The following TC2N variants were observed in gnomAD, a reference collection of about 807,000 sequenced individuals.
The protein encoded by TC2N is tandem C2 domains, nuclear, also known as tandem C2 domains nuclear protein.
TC2N carries 51 observed loss-of-function variants against 61.9 expected under a neutral mutation model. The ratio of observed to expected loss-of-function variants is 0.82; its 90% CI spans 0.66 to 1.04. TC2N has a LOEUF of 1.04. TC2N is among the 50% of genes least tolerant of loss of function. The pLI, the probability that TC2N is intolerant of heterozygous loss-of-function variation, is 0.00. For synonymous variants in TC2N, 204 were observed against 192.6 expected, an observed-to-expected ratio of 1.06 and a Z score of -0.49; for missense variants, 556 against 566.7, an observed-to-expected ratio of 0.98 and a Z score of 0.19.
At chr14:91,826,925 A>G (rs1566781765) in intron 1 of TC2N, among the ~76,000 whole-genome samples, 1 of 152,138 alleles carries the variant, frequency 6.6e-6, no homozygotes, top group Non-Finnish European at 1.5e-5. Flanking sequence ...TTTTCTGTTT[A>G]CTGTTTCCAT....
chr14:91,865,944 A>AGGT (rs1888692689), intron 1 of TC2N, among the ~76,000 whole-genome samples: 1 of 152,186 alleles, frequency 6.6e-6, no homozygotes, highest in Non-Finnish European at 1.5e-5. Flanking sequence ...GTTATTAAAA[A>AGGT]GTTATTAAAG....
chr14:91,802,800 A>G (rs1281990207), intron 3 of TC2N, among the ~76,000 whole-genome samples: 3 of 152,144 alleles, frequency 2.0e-5, no homozygotes. Context: ...AAAATTGACC[A>G]CATGCTGAGA....
intron 9 of TC2N, among the ~76,000 whole-genome samples, chr14:91,792,024 C>G (rs1194051391): frequency 6.6e-6 from 1 of 151,732 alleles, no homozygotes; most frequent in African/African-American, 2.4e-5. Flanking sequence ...GAGGCTCAGG[C>G]GGGAGAATGG....
intron 3 of TC2N, among the ~76,000 whole-genome samples, chr14:91,807,547 T>C (rs1263576500): frequency 6.6e-6 from 1 of 152,240 alleles, no homozygotes. Context: ...TGCTGGATTG[T>C]GGACTTGCAT....
At chr14:91,801,175 C>A (rs1886232431) in intron 4 of TC2N, among the ~76,000 whole-genome samples, 1 of 151,718 alleles carries the variant, frequency 6.6e-6, no homozygotes, top group Non-Finnish European at 1.5e-5. Flanking sequence ...TATGAAACTA[C>A]AAAAGCTCTA....
intron 8 of TC2N, among the ~76,000 whole-genome samples, chr14:91,797,552 A>G (rs1301411988): frequency 6.6e-6 from 1 of 151,972 alleles, no homozygotes; most frequent in Non-Finnish European, 1.5e-5. Flanking sequence ...GATATTGTTA[A>G]TCTTCTATAT....
At chr14:91,801,080 G>GACA (rs1886225112) in intron 4 of TC2N, among the ~76,000 whole-genome samples, 1 of 111,436 alleles carries the variant, frequency 9.0e-6, no homozygotes, top group East Asian at 2.4e-4. Context: ...ATGTGTGTGT[G>GACA]TATATATATA....
Position 91,836,793 on chromosome 14 carries a change from GAGA to G in TC2N, c.-56-22971_-56-22969del, listed in dbSNP as rs1375540052. Among the ~76,000 whole-genome samples the G allele has an allele frequency of 3.9e-5, 6 of 152,312 alleles. No homozygotes were observed. The East Asian group carries it at 1.2e-3, about 30-fold the overall frequency. On this transcript the variant is annotated intron_variant, in intron 1 of 11. Coordinates refer to ENST00000435962, the MANE Select transcript of TC2N (RefSeq NM_001128596.3). ...CCGCCAGGTGTGGGGTGTGTTTTGGGAGAAGAAGGGAGACAAGCGGTAGGAGGG... is the reference window on the plus strand; with the variant it reads ...CCGCCAGGTGTGGGGTGTGTTTTGGGAGAAGGGAGACAAGCGGTAGGAGGG...
intron 1 of TC2N, among the ~76,000 whole-genome samples, chr14:91,814,941 T>C (rs570353597): frequency 2.6e-5 from 4 of 151,616 alleles, no homozygotes; most frequent in African/African-American, 9.6e-5. Flanking sequence ...AAACATCACA[T>C]TGTATACAAT....
chr14:91,819,341 T>C (rs1318582757), intron 1 of TC2N, among the ~76,000 whole-genome samples: 1 of 151,660 alleles, frequency 6.6e-6, no homozygotes, highest in Non-Finnish European at 1.5e-5. Flanking sequence ...AAAAATTAAT[T>C]AATTAATTAA....
chr14:91,812,728 A>G (rs1485161404), intron 2 of TC2N, among the ~76,000 whole-genome samples, 183 bp from the exon 3 acceptor site: 1 of 151,978 alleles, frequency 6.6e-6, no homozygotes, highest in Non-Finnish European at 1.5e-5. Context: ...ATATTTGAGC[A>G]ATTAATACAC....
At chr14:91,847,307 G>C (rs182750108) in intron 1 of TC2N, among the ~76,000 whole-genome samples, 1 of 151,502 alleles carries the variant, frequency 6.6e-6, no homozygotes, top group African/African-American at 2.4e-5. Flanking sequence ...GGTTTAAATC[G>C]TCCACAGTTC....
At position 91,785,516 on chromosome 14, in the gene TC2N, C is replaced by T. The variant is rs533370736; in HGVS notation, c.1163-155G>A. On this transcript the variant is annotated intron_variant, in intron 10 of 11. Coordinates refer to ENST00000435962, the MANE Select transcript of TC2N (RefSeq NM_001128596.3). ...AATGTTTGATGAGCTACGACCATAA[C>T]AGAAAACAGTTCTAATCAACTTTAT... Among the ~76,000 whole-genome samples the T allele has an allele frequency of 2.0e-5, 3 of 152,090 alleles. No individual in the cohort carries two copies. In the East Asian group the frequency reaches 5.8e-4, roughly 29 times the overall value.
intron 3 of TC2N, among the ~76,000 whole-genome samples, chr14:91,803,426 C>CAT (rs1474509032): frequency 1.5e-4 from 10 of 66,606 alleles, no homozygotes; most frequent in Admixed American, 1.4e-3. Flanking sequence ...CACACACACA[C>CAT]ACATATATAT....
chr14:91,801,826 T>C (rs544268652), intron 4 of TC2N, among the ~76,000 whole-genome samples: 2 of 152,364 alleles, frequency 1.3e-5, no homozygotes, highest in East Asian at 3.9e-4. Context: ...AAAGTATATA[T>C]ACATTGCAGA....
intron 3 of TC2N, among the ~76,000 whole-genome samples, chr14:91,809,148 C>T (rs1056707394): frequency 3.3e-5 from 5 of 152,132 alleles, no homozygotes; most frequent in African/African-American, 7.2e-5. Context: ...TGGTAGCTCA[C>T]GTCTGTAATC....
chr14:91,802,428 G>C lies in TC2N; in HGVS notation c.302-7C>G. On this transcript the variant is annotated splice_region_variant and splice_polypyrimidine_tract_variant and intron_variant, in intron 3 of 11. Coordinates refer to ENST00000435962, the MANE Select transcript of TC2N (RefSeq NM_001128596.3). ...AAAGATGCTCTGGCAGATCCTGAAA[G>C]CAAATGTTTCTAAAAGTTTATAACA... 1 of 1,608,850 alleles carries C rather than the reference G, an allele frequency of 6.2e-7. No individual in the cohort carries two copies. The highest frequency in any genetic ancestry group is 1.1e-5 in the South Asian group (1 of 89,724).
chr14:91,810,939 A>C (rs1441683796), intron 3 of TC2N, among the ~76,000 whole-genome samples: 2 of 152,144 alleles, frequency 1.3e-5, no homozygotes, highest in Admixed American at 1.3e-4. Context: ...GGAATCCCAG[A>C]AGCAGAAAAG....
chr14:91,792,870 C>T (rs964852405), intron 8 of TC2N, among the ~76,000 whole-genome samples: 3 of 152,146 alleles, frequency 2.0e-5, no homozygotes, highest in Non-Finnish European at 4.4e-5. Flanking sequence ...TTGGTTCTGG[C>T]ATCTTTCCTG....
Sources: allele counts gnomAD v4.1 joint callset (sites outside exome capture counted in the v4.1 genomes callset), GRCh38; gene constraint gnomAD v4.1.1; transcripts MANE v1.5; gene names NCBI Gene and HGNC (gene_info 2026-07-23, HGNC 2026-07-21).